RUFY1: variants seen among roughly 807,000 people sequenced by gnomAD.
RUFY1 encodes the protein RUN and FYVE domain containing 1.
Under a neutral mutation model 94.6 loss-of-function variants are expected in RUFY1, and 54 were observed. The ratio of observed to expected loss-of-function variants is 0.57; its 90% CI spans 0.46 to 0.72. The LOEUF (loss-of-function observed/expected upper bound fraction) is 0.72. RUFY1 is among the 30% of genes least tolerant of loss of function. The pLI, the probability that RUFY1 is intolerant of heterozygous loss-of-function variation, is 0.00. For missense variants in RUFY1, 883 were observed against 883.9 expected (o/e 1.00, Z 0.01); for synonymous variants, 396 against 347.3 (o/e 1.14, Z -1.56).
rs189727221 is a variant in RUFY1 at position 179,591,334 on chromosome 5, A to G, written c.1129-291A>G. Among the ~76,000 whole-genome samples the G allele has an allele frequency of 0.013, 2,016 of 151,178 alleles. 140 individuals are homozygous for G. In the East Asian group the frequency reaches 0.21, roughly 16 times the overall value. On this transcript the variant is annotated intron_variant, in intron 9 of 17. Transcript: ENST00000319449. Reference sequence around the variant, plus strand: ...CAAGTAGCTGGGACTACAGGCGCCCACCACCACGCCCAGCTAATTGTTTGT... The same window carrying G: ...CAAGTAGCTGGGACTACAGGCGCCCGCCACCACGCCCAGCTAATTGTTTGT...
At chr5:179,608,880 G>A (rs1233433562) in intron 17 of RUFY1, among the ~76,000 whole-genome samples, 5 of 149,144 alleles carry the variant, frequency 3.4e-5, no homozygotes, top group Admixed American at 2.0e-4. Context: ...GCAGTGAGCC[G>A]AGATTGCGCC....
intron 12 of RUFY1, 166 bp from the exon 13 acceptor site, chr5:179,596,396 G>C (rs1765641273): frequency 1.2e-6 from 1 of 864,998 alleles, no homozygotes; most frequent in Non-Finnish European, 1.9e-6. Flanking sequence ...GGAGTGGTGG[G>C]ACCGTCCTGT....
intron 4 of RUFY1, 97 bp from the exon 5 acceptor site, chr5:179,569,205 C>G: frequency 1.9e-6 from 3 of 1,595,808 alleles, no homozygotes; most frequent in Non-Finnish European, 2.6e-6. Flanking sequence ...TATCTTCTGG[C>G]TCCAGGGCAC....
intron 17 of RUFY1, chr5:179,608,449 A>C (rs1767342059): frequency 1.0e-6 from 1 of 985,532 alleles, no homozygotes; most frequent in African/African-American, 1.7e-5. Flanking sequence ...GTGGAGTCAG[A>C]AGCAGAGGCT....
At chr5:179,605,851 G>A (rs752628727) in intron 15 of RUFY1, 25 bp from the exon 16 acceptor site, 4 of 1,560,390 alleles carry the variant, frequency 2.6e-6, no homozygotes, top group Non-Finnish European at 3.5e-6. Context: ...TCACTGCTAT[G>A]AAATGGCCTT....
rs1057175407 is a variant in RUFY1, at chr5:179,589,565, G to A, written c.1046G>A (p.Arg349Gln). The part of the protein sequence containing the change: ...LQEELSAATD[R>Q]ICSLQEEQQQ... Reference sequence around the variant, plus strand: ...AATCAGCTTTCAGCTGCAACAGACCGAATTTGCTCACTTCAAGAAGAACAG... The same window carrying A: ...AATCAGCTTTCAGCTGCAACAGACCAAATTTGCTCACTTCAAGAAGAACAG... The change falls in exon 9 of 18, where the codon CGA becomes CAA. Residue 349 changes from arginine (R) to glutamine (Q), a missense_variant. By Grantham distance (43) the Arg-to-Gln change is conservative. Coordinates refer to ENST00000319449, the MANE Select transcript of RUFY1 (RefSeq NM_025158.5). The A allele has an allele frequency of 5.6e-6, 9 of 1,613,968 alleles. No homozygotes were observed. Among genetic ancestry groups the A allele is most frequent in the East Asian group, 2.2e-5 (1 of 44,890 alleles).
chr5:179,559,977 C>G (rs7704349), intron 1 of RUFY1, 48 bp from the exon 2 acceptor site: 939,614 of 1,578,670 alleles, frequency 0.6, 286,630 homozygotes, highest in Non-Finnish European at 0.63. Context: ...AGTCTGACCT[C>G]CCCACGCTCA....
intron 5 of RUFY1, among the ~76,000 whole-genome samples, chr5:179,575,090 G>T (rs1368575171): frequency 6.9e-6 from 1 of 143,972 alleles, no homozygotes; most frequent in African/African-American, 2.6e-5. Context: ...TAAAGATTCT[G>T]GGGAAAATTT....
intron 15 of RUFY1, among the ~76,000 whole-genome samples, chr5:179,605,355 A>G (rs1188253949): frequency 6.6e-6 from 1 of 151,928 alleles, no homozygotes; most frequent in East Asian, 1.9e-4. Flanking sequence ...TAGTTCTGCC[A>G]ATTTAGACCA....
At chr5:179,568,612 G>A (rs545869568) in intron 4 of RUFY1, among the ~76,000 whole-genome samples, 3 of 152,100 alleles carry the variant, frequency 2.0e-5, no homozygotes, top group East Asian at 1.9e-4. Flanking sequence ...ATTTATAATC[G>A]ATACAAAATT....
intron 3 of RUFY1, 135 bp from the exon 4 acceptor site, chr5:179,567,326 C>G (rs1762904053): frequency 1.5e-6 from 1 of 677,902 alleles, no homozygotes; most frequent in Admixed American, 2.5e-5. Context: ...CTCCCCAACC[C>G]CAAACAGCCA....
chr5:179,588,666 A>G (rs976134476), intron 8 of RUFY1, among the ~76,000 whole-genome samples: 2 of 152,232 alleles, frequency 1.3e-5, no homozygotes, highest in Admixed American at 6.5e-5. Flanking sequence ...AAAAAAGCCC[A>G]TAACCCCTTT....
intron 5 of RUFY1, among the ~76,000 whole-genome samples, chr5:179,569,986 C>T (rs958146680): frequency 1.3e-5 from 2 of 152,158 alleles, no homozygotes; most frequent in East Asian, 3.9e-4. Context: ...CCTCGTGATC[C>T]GCCCACCTCG....
At chr5:179,570,375 G>A (rs949565549) in intron 5 of RUFY1, among the ~76,000 whole-genome samples, 3 of 152,216 alleles carry the variant, frequency 2.0e-5, no homozygotes, top group Non-Finnish European at 4.4e-5. Context: ...TGCAAGCCTG[G>A]ATGGGGAGTA....
chr5:179,596,934 C>T lies in RUFY1; in HGVS notation c.1631+253C>T, dbSNP rs1765715931. 4 of 471,100 alleles carry T rather than the reference C, an allele frequency of 8.5e-6. No homozygotes were observed. The South Asian group carries it at 1.2e-4, about 15-fold the overall frequency. 29.2% of individuals were successfully genotyped at this position (471,100 alleles called of 1,614,324 possible). A position where few individuals can be genotyped will look rare whatever the true frequency, so the allele number is the denominator to read the frequency against. On this transcript the variant is annotated intron_variant, in intron 13 of 17. Transcript: ENST00000319449. ...ACTCTCAAACCATGGTACCAGGTCA[C>T]AGCCTGTATCACCCTTAACCACCCT...
At chr5:179,554,809 A>T (rs558624564) in intron 1 of RUFY1, among the ~76,000 whole-genome samples, 1 of 152,152 alleles carries the variant, frequency 6.6e-6, no homozygotes, top group African/African-American at 2.4e-5. Flanking sequence ...CTCCACTAAA[A>T]GTACAAAAAT....
chr5:179,556,952 T>C (rs1447524411), intron 1 of RUFY1, among the ~76,000 whole-genome samples: 1 of 152,234 alleles, frequency 6.6e-6, no homozygotes, highest in Non-Finnish European at 1.5e-5. Context: ...GTAATGTTGG[T>C]CATCTTTGAA....
chr5:179,550,956 G>A, intron 1 of RUFY1, 77 bp downstream of exon 1: 1 of 995,720 alleles, frequency 1.0e-6, no homozygotes, highest in Non-Finnish European at 1.2e-6. Flanking sequence ...GGTGGGGGCC[G>A]GGCTGGGAGG....
chr5:179,554,033 G>A (rs1044371292), intron 1 of RUFY1, among the ~76,000 whole-genome samples: 1 of 152,156 alleles, frequency 6.6e-6, no homozygotes, highest in South Asian at 2.1e-4. Flanking sequence ...GAGAAAGACA[G>A]TGACACCACT....
Sources: gnomAD v4.1 joint callset for allele counts (sites outside exome capture counted in the v4.1 genomes callset) on GRCh38, gnomAD v4.1.1 for gene constraint, MANE v1.5 for transcripts, NCBI Gene and HGNC (gene_info 2026-07-23, HGNC 2026-07-21) for gene names.